The following IRAG2 variants were observed in gnomAD, a reference collection of about 807,000 sequenced individuals.
IRAG2 encodes the protein inositol 1,4,5-triphosphate receptor associated 2.
IRAG2 carries 45 observed loss-of-function variants against 69.9 expected under a neutral mutation model. The observed-to-expected ratio is 0.64, with a 90% CI of 0.51 to 0.83. The LOEUF (loss-of-function observed/expected upper bound fraction) is 0.83, where lower values mean the gene tolerates loss of function less well. IRAG2 is among the 40% of genes least tolerant of loss of function. The pLI, the probability that IRAG2 is intolerant of heterozygous loss-of-function variation, is 0.00. For missense variants in IRAG2, 520 were observed against 587.0 expected (o/e 0.89, Z 1.18); for synonymous variants, 193 against 202.4 (o/e 0.95, Z 0.40).
chr12:25,098,516 C>T (rs923937231), intron 15 of IRAG2, among the ~76,000 whole-genome samples: 1 of 152,186 alleles, frequency 6.6e-6, no homozygotes, highest in African/African-American at 2.4e-5. Context: ...CTATCCAAGG[C>T]CAGCCTTCCC....
At chr12:25,051,157 AAAAAGAGAGT>A (rs1339967043), upstream of IRAG2, among the ~76,000 whole-genome samples, 28 of 152,136 alleles carry the variant, frequency 1.8e-4, no homozygotes, top group Admixed American at 4.6e-4. Flanking sequence ...AAAAAGAGAG[AAAAAGAGAGT>A]GAGAGAGACA....
chr12:25,066,174 G>C (rs1945970614), intron 4 of IRAG2, among the ~76,000 whole-genome samples, 191 bp from the exon 5 acceptor site: 1 of 151,868 alleles, frequency 6.6e-6, no homozygotes, highest in Admixed American at 6.6e-5. Context: ...ATTCCCAAAT[G>C]CTTTGTTAAA....
chr12:25,025,369 C>A (rs1944612820), intron 8 of IRAG2, among the ~76,000 whole-genome samples: 1 of 152,170 alleles, frequency 6.6e-6, no homozygotes, highest in South Asian at 2.1e-4. Flanking sequence ...CTGCAGCCTG[C>A]CTGCTATTTT....
At chr12:25,085,323 G>T (rs928949615) in intron 10 of IRAG2, among the ~76,000 whole-genome samples, 2 of 152,058 alleles carry the variant, frequency 1.3e-5, no homozygotes, top group African/African-American at 2.4e-5. Flanking sequence ...GAGCCAGAAG[G>T]GGGGATGGAG....
At chr12:25,000,037 C>T (rs542774991), upstream of IRAG2, among the ~76,000 whole-genome samples, 7 of 152,300 alleles carry the variant, frequency 4.6e-5, no homozygotes, top group South Asian at 4.1e-4. Flanking sequence ...CCACAGACTA[C>T]GAGTTTCAGG....
chr12:25,027,411 T>C (rs79034152), intron 9 of IRAG2, among the ~76,000 whole-genome samples: 3 of 151,630 alleles, frequency 2.0e-5, no homozygotes, highest in Non-Finnish European at 4.4e-5. Context: ...TTTTTTTTTT[T>C]TGAGACAGAA....
intron 17 of IRAG2, chr12:25,103,391 GAGA>G (rs1948861232): frequency 6.4e-6 from 1 of 157,156 alleles, no homozygotes; most frequent in African/African-American, 2.4e-5. Context: ...GGTAGCAAAA[GAGA>G]AGAATAGATT....
intron 3 of IRAG2, among the ~76,000 whole-genome samples, chr12:25,014,448 A>T (rs1034313823): frequency 1.3e-5 from 2 of 152,184 alleles, no homozygotes; most frequent in African/African-American, 4.8e-5. Flanking sequence ...ATGAGATGTA[A>T]ACATATATTT....
Position 25,096,893 on chromosome 12 carries a change from T to C in IRAG2, c.607-17T>C. The C allele has an allele frequency of 6.3e-7, 1 of 1,594,250 alleles. No homozygotes were observed. The highest frequency in any genetic ancestry group is 8.5e-7 in the Non-Finnish European group (1 of 1,173,074). ...TGCTTGTGTTAGATATCTTTTAATATGCTGTTTTCTATACAGTCTTTAACA... is the reference window on the plus strand; with the variant it reads ...TGCTTGTGTTAGATATCTTTTAATACGCTGTTTTCTATACAGTCTTTAACA... On this transcript the variant is annotated splice_polypyrimidine_tract_variant and intron_variant, in intron 14 of 21. Coordinates refer to ENST00000556887, the MANE Select transcript of IRAG2 (RefSeq NM_001366544.2).
chr12:25,057,807 A>AC (rs1310172519), intron 1 of IRAG2, among the ~76,000 whole-genome samples: 1 of 152,172 alleles, frequency 6.6e-6, no homozygotes, highest in Non-Finnish European at 1.5e-5. Flanking sequence ...ACCCTAAGGA[A>AC]CAACCACTGG....
chr12:25,000,675 T>C (rs1003996374), upstream of IRAG2, among the ~76,000 whole-genome samples: 1 of 152,228 alleles, frequency 6.6e-6, no homozygotes, highest in Non-Finnish European at 1.5e-5. Context: ...CTGAGGTTCA[T>C]AGAACTTGAA....
chr12:25,044,478 T>C (rs967619938), intron 16 of IRAG2, among the ~76,000 whole-genome samples: 2 of 135,118 alleles, frequency 1.5e-5, no homozygotes, highest in African/African-American at 2.6e-5. Flanking sequence ...CATAGAGGGC[T>C]GAACATATTA....
intron 9 of IRAG2, among the ~76,000 whole-genome samples, chr12:25,081,292 G>A (rs1004040155): frequency 1.3e-5 from 2 of 152,050 alleles, no homozygotes; most frequent in Non-Finnish European, 2.9e-5. Flanking sequence ...GTGGAACCCC[G>A]TCTCTACTAA....
At chr12:25,031,278 C>T (rs936544378) in intron 10 of IRAG2, among the ~76,000 whole-genome samples, 9 of 152,312 alleles carry the variant, frequency 5.9e-5, no homozygotes, top group African/African-American at 2.2e-4. Context: ...CTCAGTTCCT[C>T]CCTAACTCTG....
intron 16 of IRAG2, among the ~76,000 whole-genome samples, chr12:25,040,065 C>T (rs1944735513): frequency 6.6e-6 from 1 of 152,180 alleles, no homozygotes; most frequent in Non-Finnish European, 1.5e-5. Context: ...ATACAAGATT[C>T]TTTAAAAATA....
intron 6 of IRAG2, among the ~76,000 whole-genome samples, chr12:25,017,693 A>C (rs1392626625): frequency 6.6e-6 from 1 of 151,240 alleles, no homozygotes; most frequent in East Asian, 2.0e-4. Context: ...ATTCCAGCTT[A>C]GGTGATAGAG....
chr12:25,026,303 T>G (rs1944621069), intron 8 of IRAG2, among the ~76,000 whole-genome samples: 1 of 152,216 alleles, frequency 6.6e-6, no homozygotes, highest in Admixed American at 6.5e-5. Context: ...CATGTTCATC[T>G]GAAAGGGTGC....
intron 1 of IRAG2, among the ~76,000 whole-genome samples, chr12:25,059,883 T>C (rs1350894947): frequency 1.3e-5 from 2 of 152,242 alleles, no homozygotes; most frequent in African/African-American, 4.8e-5. Context: ...AAAATTAGAT[T>C]ATGTACTTCT....
At chr12:25,104,487 T>G in intron 20 of IRAG2, 25 bp downstream of exon 20, 2 of 1,289,446 alleles carry the variant, frequency 1.6e-6, no homozygotes, top group East Asian at 4.6e-5. Context: ...GTGTGTTTAT[T>G]AACCTGACAT....
Sources: allele counts gnomAD v4.1 joint callset (sites outside exome capture counted in the v4.1 genomes callset), GRCh38; gene constraint gnomAD v4.1.1; transcripts MANE v1.5; gene names NCBI Gene and HGNC (gene_info 2026-07-23, HGNC 2026-07-21).